FBXO16: variants seen among roughly 807,000 people sequenced by gnomAD.
FBXO16 encodes the protein F-box only protein 16.
Under a neutral mutation model 41.0 loss-of-function variants are expected in FBXO16, and 31 were observed. That is an observed-to-expected ratio of 0.76 (90% CI 0.57 to 1.02). The LOEUF is 1.02. FBXO16 is among the 50% of genes least tolerant of loss of function. The pLI, the probability that FBXO16 is intolerant of heterozygous loss-of-function variation, is 0.00. For missense variants in FBXO16, 361 were observed against 346.2 expected, an observed-to-expected ratio of 1.04 and a Z score of -0.34; for synonymous variants, 133 against 117.8, an observed-to-expected ratio of 1.13 and a Z score of -0.84.
intron 1 of FBXO16, among the ~76,000 whole-genome samples, chr8:28,484,184 T>C (rs1374262247): frequency 5.3e-5 from 8 of 152,180 alleles, no homozygotes; most frequent in Admixed American, 5.2e-4. Flanking sequence ...AGAGAAGTAT[T>C]TTAAATTTAA....
chr8:28,464,778 C>A (rs1443210213), intron 3 of FBXO16, among the ~76,000 whole-genome samples: 3 of 152,054 alleles, frequency 2.0e-5, no homozygotes, highest in Non-Finnish European at 4.4e-5. Flanking sequence ...CTCAGCCTCC[C>A]GAGTAGCTGG....
intron 3 of FBXO16, among the ~76,000 whole-genome samples, chr8:28,471,197 A>G (rs1278036303): frequency 6.6e-6 from 1 of 152,224 alleles, no homozygotes; most frequent in African/African-American, 2.4e-5. Context: ...TGTACAGAAC[A>G]TTAGACAGGT....
intron 7 of FBXO16, 113 bp from the exon 8 acceptor site, chr8:28,429,516 G>A: frequency 8.1e-7 from 1 of 1,232,250 alleles, no homozygotes; most frequent in Admixed American, 1.9e-5. Context: ...CCCTTATCTT[G>A]GTTCCAACTG....
In FBXO16 at chr8:28,452,518, A is replaced by G. The variant is rs185767660; in HGVS notation, c.508-42T>C. The G allele has an allele frequency of 7.2e-4, 1,142 of 1,579,190 alleles. 16 individuals carry two copies. The East Asian group carries it at 0.024, about 33-fold the overall frequency. The stretch of plus-strand genomic sequence containing the variant: ...AATTATGTTCTCAAAACACTATAAT[A>G]CGCTGGGTGCGGTGGCTCACGCCTG... On this transcript the variant is annotated intron_variant, in intron 5 of 8. Coordinates refer to ENST00000380254, the MANE Select transcript of FBXO16 (RefSeq NM_172366.4).
In FBXO16 at chr8:28,446,308, C is replaced by T. The variant is rs907230933; in HGVS notation, c.843+863G>A. 2.7e-5 allele frequency among the ~76,000 whole-genome samples: 4 copies of T among 150,778 alleles called. No homozygotes were observed. In the East Asian group the frequency reaches 6.0e-4, roughly 23 times the overall value. On this transcript the variant is annotated intron_variant, in intron 7 of 8. Transcript: ENST00000380254. ...ACCATCCTCCTGCCTCCCCCGCACC[C>T]GCCATAGGCATGTGCCACCACGCCC... is the stretch of plus-strand genomic sequence containing the variant.
chr8:28,483,431 G>A lies in FBXO16; in HGVS notation c.16C>T (p.Pro6Ser). ...TTGGGACCATCTGTGTTTTTTGGAG[G>A]TGCAAATGCCATCATGAAACAACTG... Reference protein sequence around the residue: MMAFAPPKNTDGPKMQ... With the variant: MMAFASPKNTDGPKMQ... Residue 6 changes from proline (P) to serine (S), a missense_variant, in exon 2 of 9, where the codon CCT (proline) becomes TCT (serine). Pro to Ser is a moderately conservative substitution (Grantham distance 74). Coordinates refer to ENST00000380254, the MANE Select transcript of FBXO16 (RefSeq NM_172366.4). 1 of 1,613,882 alleles carries A rather than the reference G, an allele frequency of 6.2e-7. No individual in the cohort carries two copies. The highest frequency in any genetic ancestry group is 8.5e-7 in the Non-Finnish European group (1 of 1,179,924).
At chr8:28,445,151 T>C (rs183378788) in intron 7 of FBXO16, among the ~76,000 whole-genome samples, 134 of 152,180 alleles carry the variant, frequency 8.8e-4, no homozygotes, top group African/African-American at 3.2e-3. Context: ...GAAACATAAA[T>C]AGTGATTATA....
chr8:28,434,193 T>C (rs921074084), intron 7 of FBXO16, among the ~76,000 whole-genome samples: 3 of 152,174 alleles, frequency 2.0e-5, no homozygotes, highest in African/African-American at 7.2e-5. Context: ...ACTCCTGACC[T>C]CAGGTGATCT....
At chr8:28,486,562 CT>C (rs1803606578) in intron 1 of FBXO16, among the ~76,000 whole-genome samples, 2 of 151,864 alleles carry the variant, frequency 1.3e-5, no homozygotes, top group South Asian at 4.1e-4. Context: ...GTTTTGTTGC[CT>C]GTAATCCCAG....
At chr8:28,465,781 G>T (rs1291590589) in intron 3 of FBXO16, among the ~76,000 whole-genome samples, 1 of 151,788 alleles carries the variant, frequency 6.6e-6, no homozygotes, top group Non-Finnish European at 1.5e-5. Context: ...TGAATCTCCT[G>T]TTTTGGGTTT....
At chr8:28,435,020 C>T (rs1321446426) in intron 7 of FBXO16, among the ~76,000 whole-genome samples, 1 of 152,218 alleles carries the variant, frequency 6.6e-6, no homozygotes, top group Non-Finnish European at 1.5e-5. Context: ...CGGCCCCTGG[C>T]CCTGTCGTGT....
rs142840978 is a variant in FBXO16, at chr8:28,438,624, A to C, written c.843+8547T>G. Reference sequence around the variant, plus strand: ...CTAGCTTTGAGCTAGGTACTGTGCTAATGCTTTACATCCTCCTCCCAATTC... The same window carrying C: ...CTAGCTTTGAGCTAGGTACTGTGCTCATGCTTTACATCCTCCTCCCAATTC... On this transcript the variant is annotated intron_variant, in intron 7 of 8. Transcript: ENST00000380254. 1.2e-3 allele frequency among the ~76,000 whole-genome samples: 178 copies of C among 152,280 alleles called. 1 individual carries two copies. In the South Asian group the frequency reaches 0.013, roughly 12 times the overall value.
chr8:28,466,814 G>T (rs1024932070), intron 3 of FBXO16, among the ~76,000 whole-genome samples: 1 of 152,180 alleles, frequency 6.6e-6, no homozygotes. Flanking sequence ...TAGCCTCTAC[G>T]GCAGCTAGTG....
intron 2 of FBXO16, among the ~76,000 whole-genome samples, chr8:28,478,821 CAAAAA>C (rs35959759): frequency 4.2e-5 from 5 of 117,786 alleles, no homozygotes; most frequent in Non-Finnish European, 5.3e-5. Context: ...ATTCTGTCTC[CAAAAA>C]AAAAAAAAAA....
intron 7 of FBXO16, among the ~76,000 whole-genome samples, chr8:28,444,099 A>G (rs1802822641): frequency 6.6e-6 from 1 of 152,032 alleles, no homozygotes; most frequent in Non-Finnish European, 1.5e-5. Flanking sequence ...GGGGGTCTGG[A>G]TCCAGACCCT....
chr8:28,463,165 TG>T (rs1472738213), intron 4 of FBXO16, among the ~76,000 whole-genome samples: 4 of 152,108 alleles, frequency 2.6e-5, no homozygotes, highest in Non-Finnish European at 5.9e-5. Flanking sequence ...TGTGTGTATG[TG>T]TGTTTGTGTG....
At chr8:28,473,712 C>T in intron 3 of FBXO16, 60 bp downstream of exon 3, 2 of 1,404,824 alleles carry the variant, frequency 1.4e-6, no homozygotes, top group Non-Finnish European at 1.0e-6. Flanking sequence ...TTAATAGCAG[C>T]CTGAAAGATG....
chr8:28,456,085 T>C (rs1025501247), intron 5 of FBXO16, among the ~76,000 whole-genome samples: 7 of 152,224 alleles, frequency 4.6e-5, no homozygotes, highest in Non-Finnish European at 8.8e-5. Flanking sequence ...ACTCTGCATG[T>C]GTATAGATAA....
chr8:28,463,631 C>T lies in FBXO16; in HGVS notation c.323G>A (p.Ser108Asn). The change falls in exon 4 of 9, where the codon AGC (serine) becomes AAC (asparagine). Residue 108 changes from serine to asparagine, a missense_variant. Ser to Asn is a conservative substitution (Grantham distance 46). Transcript: ENST00000380254. ...CTTTACCTGTGCACAACGACAAAGG[C>T]TCCGAGGGTCCAGGAAAGAAAAGAT... ...LYIFSFLDPR[S>N]LCRCAQVCWH... is the part of the protein sequence containing the mutation. The T allele has an allele frequency of 6.2e-7, 1 of 1,614,068 alleles. No individual in the cohort carries two copies. Among genetic ancestry groups the T allele is most frequent in the African/African-American group, 1.3e-5 (1 of 75,044 alleles).
Sources: allele counts gnomAD v4.1 joint callset (sites outside exome capture counted in the v4.1 genomes callset), GRCh38; gene constraint gnomAD v4.1.1; transcripts MANE v1.5; gene names NCBI Gene and HGNC (gene_info 2026-07-23, HGNC 2026-07-21).